The following METTL15 variants were observed in gnomAD, a reference collection of about 807,000 sequenced individuals.
The protein encoded by METTL15 is methyltransferase 15, mitochondrial 12S rRNA N4-cytidine.
A neutral mutation model predicts 38.3 loss-of-function variants in METTL15; 34 were observed. The observed-to-expected ratio is 0.89, with a 90% CI of 0.68 to 1.18. METTL15 has a LOEUF of 1.18. Among genes scored for constraint, METTL15 ranks in the 50% most tolerant of loss-of-function variants. The pLI is 0.00. For missense variants in METTL15, 438 were observed against 498.4 expected, an observed-to-expected ratio of 0.88 and a Z score of 1.15; for synonymous variants, 162 against 170.9, an observed-to-expected ratio of 0.95 and a Z score of 0.41.
chr11:28,118,103 C>T (rs1474896188), intron 3 of METTL15, among the ~76,000 whole-genome samples: 1 of 151,972 alleles, frequency 6.6e-6, no homozygotes, highest in Non-Finnish European at 1.5e-5. Flanking sequence ...CGCAGGTTCA[C>T]TCCATTCTCC....
chr11:28,392,007 T>C (rs1171989309), intron 5 of METTL15, among the ~76,000 whole-genome samples: 1 of 152,098 alleles, frequency 6.6e-6, no homozygotes, highest in Non-Finnish European at 1.5e-5. Flanking sequence ...CAAAAGAAAC[T>C]ACCATCAGAG....
At chr11:28,144,600 G>C (rs986594693) in intron 3 of METTL15, among the ~76,000 whole-genome samples, 6 of 151,972 alleles carry the variant, frequency 3.9e-5, no homozygotes, top group African/African-American at 1.4e-4. Flanking sequence ...GGCTTATTTT[G>C]AATGACCAGG....
chr11:28,248,183 T>G (rs1414897081), intron 4 of METTL15, among the ~76,000 whole-genome samples: 1 of 152,102 alleles, frequency 6.6e-6, no homozygotes. Context: ...GTCCCTGTCT[T>G]TCTTCTCTTT....
In METTL15 at chr11:28,453,866, G is replaced by GGTTA. The variant is rs536225330; in HGVS notation, c.*424+29505_*424+29506insAGTT. On this transcript the variant is annotated intron_variant and NMD_transcript_variant, in intron 6 of 7. Coordinates refer to the METTL15 transcript ENST00000532947. ...TCCTGAAAAATCTGTTTGGTTGGTT[G>GGTTA]GTTGGTTGTTTTCCTTTCCCCATTG... Among the ~76,000 whole-genome samples, 54 of 152,308 alleles carry GGTTA rather than the reference G, an allele frequency of 3.5e-4. 1 individual carries two copies. The East Asian group carries it at 7.1e-3, about 20-fold the overall frequency.
intron 3 of METTL15, among the ~76,000 whole-genome samples, chr11:28,343,829 T>G (rs1000769418): frequency 2.6e-5 from 4 of 152,186 alleles, no homozygotes; most frequent in African/African-American, 9.7e-5. Context: ...TGCTTCTTGT[T>G]CTTGAAGACT....
intron 3 of METTL15, among the ~76,000 whole-genome samples, chr11:28,194,122 ATCTTTCTTTCTTTCTTTCTTTCTTTCTT>A (rs57046097): frequency 3.0e-5 from 3 of 99,078 alleles, no homozygotes; most frequent in Admixed American, 1.1e-4. Flanking sequence ...TTGATGGTTG[ATCTTTCTTTCTTTCTTTCTTTCTTTCTT>A]TCTTTCTTTC....
At chr11:28,364,640 G>A (rs1037013456) in intron 5 of METTL15, among the ~76,000 whole-genome samples, 8 of 152,042 alleles carry the variant, frequency 5.3e-5, no homozygotes, top group African/African-American at 1.9e-4. Flanking sequence ...GGGGTATTTT[G>A]GCTTATTCTA....
intron 4 of METTL15, among the ~76,000 whole-genome samples, chr11:28,282,208 T>A (rs1305477137): frequency 6.6e-6 from 1 of 152,196 alleles, no homozygotes; most frequent in Non-Finnish European, 1.5e-5. Flanking sequence ...CAGACCCCTG[T>A]GCCACAGACT....
chr11:28,255,485 T>A (rs1172227210), intron 4 of METTL15, among the ~76,000 whole-genome samples: 1 of 152,122 alleles, frequency 6.6e-6, no homozygotes, highest in Non-Finnish European at 1.5e-5. Flanking sequence ...AGTACTGTGT[T>A]TAATAACTGT....
chr11:28,367,291 A>G (rs1208025798), intron 5 of METTL15, among the ~76,000 whole-genome samples: 1 of 152,126 alleles, frequency 6.6e-6, no homozygotes, highest in Non-Finnish European at 1.5e-5. Context: ...AAAAGATATT[A>G]TGAGCTTCTA....
intron 6 of METTL15, among the ~76,000 whole-genome samples, chr11:28,446,528 TTTAGG>T (rs1242413681): frequency 6.6e-6 from 1 of 152,088 alleles, no homozygotes; most frequent in Non-Finnish European, 1.5e-5. Flanking sequence ...GTTTCTTTTC[TTTAGG>T]TTAGGCTAAA....
intron 3 of METTL15, among the ~76,000 whole-genome samples, chr11:28,138,137 G>A (rs1292700562): frequency 2.0e-5 from 3 of 151,928 alleles, no homozygotes; most frequent in South Asian, 4.2e-4. Context: ...TTCCAAAATG[G>A]GGTTTGTGGC....
chr11:28,289,621 C>T (rs1378162473), intron 4 of METTL15, among the ~76,000 whole-genome samples: 1 of 152,128 alleles, frequency 6.6e-6, no homozygotes, highest in Non-Finnish European at 1.5e-5. Flanking sequence ...CTGAATGCTC[C>T]ATTCACTTCA....
chr11:28,415,359 G>T (rs1850764015), intron 5 of METTL15, among the ~76,000 whole-genome samples: 1 of 152,106 alleles, frequency 6.6e-6, no homozygotes, highest in South Asian at 2.1e-4. Context: ...AAAAGAAAAG[G>T]TATCTGAGAA....
At chr11:28,525,781 A>G (rs2133516978) in intron 6 of METTL15, among the ~76,000 whole-genome samples, 1 of 152,350 alleles carries the variant, frequency 6.6e-6, no homozygotes, top group South Asian at 2.1e-4. Flanking sequence ...GCCTGCCAGT[A>G]CCGCGCCGTG....
intron 6 of METTL15, among the ~76,000 whole-genome samples, chr11:28,500,500 T>C (rs1851573271): frequency 6.6e-6 from 1 of 152,152 alleles, no homozygotes; most frequent in African/African-American, 2.4e-5. Flanking sequence ...AGTTTGATCC[T>C]GTGCATATGC....
At chr11:28,371,324 A>G (rs893149459) in intron 5 of METTL15, among the ~76,000 whole-genome samples, 3 of 152,074 alleles carry the variant, frequency 2.0e-5, no homozygotes, top group East Asian at 3.8e-4. Flanking sequence ...TTTGTGAAAA[A>G]TAAGTTGGCC....
At chr11:28,322,301 A>G (rs919864131) in intron 6 of METTL15, among the ~76,000 whole-genome samples, 1 of 152,126 alleles carries the variant, frequency 6.6e-6, no homozygotes, top group African/African-American at 2.4e-5. Flanking sequence ...TATTTTATAA[A>G]TAGCTCTTCC....
intron 4 of METTL15, among the ~76,000 whole-genome samples, chr11:28,267,160 CAAAAAAAA>C (rs57831121): frequency 3.7e-5 from 2 of 53,758 alleles, no homozygotes; most frequent in African/African-American, 1.3e-4. Context: ...AACTCCATCT[CAAAAAAAA>C]AAAAAAAAAA....
Sources: gnomAD v4.1 joint callset for allele counts (sites outside exome capture counted in the v4.1 genomes callset) on GRCh38, gnomAD v4.1.1 for gene constraint, MANE v1.5 for transcripts, NCBI Gene and HGNC (gene_info 2026-07-23, HGNC 2026-07-21) for gene names.